The following POGZ variants were observed in gnomAD, a reference collection of about 807,000 sequenced individuals.
POGZ encodes the protein pogo transposable element derived with ZNF domain, also known as pogo transposable element with ZNF domain.
A neutral mutation model predicts 134.6 loss-of-function variants in POGZ; 17 were observed. The ratio of observed to expected loss-of-function variants is 0.13; its 90% CI spans 0.09 to 0.19. POGZ has a LOEUF of 0.19. POGZ is among the 10% of genes least tolerant of loss of function. The pLI, the probability that POGZ is intolerant of heterozygous loss-of-function variation, is 1.00. For synonymous variants in POGZ, 693 were observed against 657.1 expected (o/e 1.05, Z -0.84); for missense variants, 1,306 against 1,769.7 (o/e 0.74, Z 4.70).
At chr1:151,431,559 G>C (rs1278142895) in intron 3 of POGZ, among the ~76,000 whole-genome samples, 1 of 152,172 alleles carries the variant, frequency 6.6e-6, no homozygotes, top group Non-Finnish European at 1.5e-5. Context: ...GGAACCCAGA[G>C]ACTGACAGGC....
At position 151,459,448 on chromosome 1, in the gene POGZ, G is replaced by C. The variant is rs954053413; in HGVS notation, c.-298C>G. On this transcript the variant is annotated 5_prime_UTR_variant, in exon 1 of 19. Transcript: ENST00000271715. Reference sequence around the variant, plus strand: ...TGTACGGGAGCTGGCGCGGGGGAGAGAGACGCCGACTCCCCCCACCGACCC... The same window carrying C: ...TGTACGGGAGCTGGCGCGGGGGAGACAGACGCCGACTCCCCCCACCGACCC... 6.6e-6 allele frequency: 1 copy of C among 151,982 alleles called. No homozygotes were observed. The highest frequency in any genetic ancestry group is 2.4e-5 in the African/African-American group (1 of 41,366). The allele number at this position is 151,982 out of a possible 1,614,324, so 9.4% of individuals were successfully genotyped here. A position where few individuals can be genotyped will look rare whatever the true frequency, so the allele number is the denominator to read the frequency against.
chr1:151,410,353 C>T (rs193075378), intron 12 of POGZ, among the ~76,000 whole-genome samples: 10 of 152,326 alleles, frequency 6.6e-5, no homozygotes, highest in Non-Finnish European at 8.8e-5. Flanking sequence ...TTCCACCCTA[C>T]CAACCAACAA....
At chr1:151,450,660 G>A (rs1234686909) in intron 1 of POGZ, among the ~76,000 whole-genome samples, 1 of 152,000 alleles carries the variant, frequency 6.6e-6, no homozygotes, top group Non-Finnish European at 1.5e-5. Flanking sequence ...AGCCTCCCCA[G>A]TTCTAAATTT....
intron 1 of POGZ, among the ~76,000 whole-genome samples, chr1:151,444,109 C>CT (rs1660943975): frequency 1.3e-5 from 2 of 152,282 alleles, no homozygotes; most frequent in African/African-American, 4.8e-5. Context: ...CAGGGGCACT[C>CT]TGGGTTTTAA....
intron 1 of POGZ, among the ~76,000 whole-genome samples, chr1:151,454,466 A>G (rs1471054831): frequency 1.3e-5 from 2 of 152,218 alleles, no homozygotes; most frequent in Non-Finnish European, 1.5e-5. Flanking sequence ...AGTACCTCAT[A>G]TGTAAGAATC....
intron 11 of POGZ, 64 bp downstream of exon 11, chr1:151,412,232 G>C: frequency 1.2e-6 from 1 of 834,158 alleles, no homozygotes; most frequent in Non-Finnish European, 2.0e-6. Flanking sequence ...ATATTCATTA[G>C]TAAATTCTTT....
rs376316033 is a variant in POGZ at position 151,405,041 on chromosome 1, G to A, written c.3994C>T (p.Pro1332Ser). The A allele has an allele frequency of 3.1e-6, 5 of 1,614,032 alleles. No individual in the cohort carries two copies. In the African/African-American group the frequency reaches 4.0e-5, roughly 13 times the overall value. Residue 1332 changes from proline (P) to serine (S), a missense_variant, in exon 19 of 19, where the codon CCC becomes TCC. Pro to Ser is a moderately conservative substitution (Grantham distance 74). Coordinates refer to ENST00000271715, the MANE Select transcript of POGZ (RefSeq NM_015100.4). This position sits in a 1 kb window ranked among gnomAD's most constrained non-coding sequence, Gnocchi z 4.9. ...GTAGGTGAGTTAATGTTGCCATCGG[G>A]GCCAGGCAGAACACTAGCCACCAGG... ...SFLVASVLPGPDGNINSPTRN... is the reference protein window; with the variant it reads ...SFLVASVLPGSDGNINSPTRN...
chr1:151,442,906 G>A (rs909061662), intron 1 of POGZ, among the ~76,000 whole-genome samples: 1 of 151,774 alleles, frequency 6.6e-6, no homozygotes, highest in African/African-American at 2.4e-5. Flanking sequence ...GCAGGCGCCT[G>A]TAATCCCAGC....
rs2102278340 is a variant in POGZ at position 151,425,072 on chromosome 1, T to C, written c.1079-11A>G. ...GGATGGAAGAGGTCACTGAAAGAAG[T>C]GAGAAGAATTGATAAGATTAATACA... On this transcript the variant is annotated splice_polypyrimidine_tract_variant and intron_variant, in intron 7 of 18. Transcript: ENST00000271715. The C allele has an allele frequency of 7.6e-6, 10 of 1,323,852 alleles. No homozygotes were observed. Among genetic ancestry groups the C allele is most frequent in the Non-Finnish European group, 1.1e-5 (10 of 927,098 alleles). 82.0% of individuals were successfully genotyped at this position (1,323,852 alleles called of 1,614,324 possible). A position where few individuals can be genotyped will look rare whatever the true frequency, so the allele number is the denominator to read the frequency against.
Position 151,423,571 on chromosome 1 carries a change from G to GA in POGZ, c.1524-21dup. ...ATGAATCTGTAATAAAGCACAAAGA[G>GA]AAAGTACAGAAAACATAAAAAATTG... On this transcript the variant is annotated intron_variant, in intron 9 of 18. Transcript: ENST00000271715. 1 of 1,570,420 alleles carries GA rather than the reference G, an allele frequency of 6.4e-7. No homozygotes were observed. Among genetic ancestry groups the GA allele is most frequent in the Non-Finnish European group, 8.7e-7 (1 of 1,154,874 alleles).
intron 10 of POGZ, among the ~76,000 whole-genome samples, chr1:151,412,604 C>A (rs1254876304): frequency 6.6e-6 from 1 of 152,198 alleles, no homozygotes; most frequent in African/African-American, 2.4e-5. Flanking sequence ...CTTACCAAAG[C>A]TTCATTCTAG....
At chr1:151,418,793 A>C (rs566553468) in intron 10 of POGZ, among the ~76,000 whole-genome samples, 1 of 151,706 alleles carries the variant, frequency 6.6e-6, no homozygotes, top group Non-Finnish European at 1.5e-5. Context: ...TGGGAAGCTA[A>C]GGTGGGTGGA....
chr1:151,405,077 G>C lies in POGZ; in HGVS notation c.3958C>G (p.Gln1320Glu), dbSNP rs527918314. The change falls in exon 19 of 19, where the codon CAG becomes GAG. Residue 1320 changes from glutamine to glutamate, a missense_variant. Physicochemically the swap from Gln to Glu is conservative, Grantham distance 29. Around this residue, in one of 10 missense-constraint regions of POGZ, gnomAD observed 67 missense variants for 105.8 expected, o/e 0.63. Coordinates refer to ENST00000271715, the MANE Select transcript of POGZ (RefSeq NM_015100.4). The surrounding 1 kb of genome is among the most constrained non-coding windows in gnomAD (Gnocchi z 4.9). ...GVIGDCPELV[Q>E]RSFLVASVLP... Reference sequence around the variant, plus strand: ...ACACTAGCCACCAGGAAGGAGCGCTGAACTAGCTCTGGACAGTCCCCAATG... The same window carrying C: ...ACACTAGCCACCAGGAAGGAGCGCTCAACTAGCTCTGGACAGTCCCCAATG... The C allele has an allele frequency of 8.6e-5, 139 of 1,614,224 alleles. No homozygotes were observed. In the South Asian group the frequency reaches 1.5e-3, roughly 17 times the overall value.
rs1216725130 is a variant in POGZ at position 151,459,406 on chromosome 1, C to T, written c.-256G>A. The T allele has an allele frequency of 6.6e-6, 1 of 150,396 alleles. No homozygotes were observed. The allele number at this position is 150,396 out of a possible 1,614,324, so 9.3% of individuals were successfully genotyped here. ...CCCCGAGGGAGGGGGGTGGGGGGGCCAAGGAATGCGGCTCCGTGTACGGGA... is the reference window on the plus strand; with the variant it reads ...CCCCGAGGGAGGGGGGTGGGGGGGCTAAGGAATGCGGCTCCGTGTACGGGA... On this transcript the variant is annotated 5_prime_UTR_variant, in exon 1 of 19. Transcript: ENST00000271715.
Position 151,425,067 on chromosome 1 carries a change from A to G in POGZ, c.1079-6T>C, listed in dbSNP as rs1225148217. On this transcript the variant is annotated splice_polypyrimidine_tract_variant and splice_region_variant and intron_variant, in intron 7 of 18. Coordinates refer to ENST00000271715, the MANE Select transcript of POGZ (RefSeq NM_015100.4). The stretch of plus-strand genomic sequence containing the variant: ...TACTGGGATGGAAGAGGTCACTGAA[A>G]GAAGTGAGAAGAATTGATAAGATTA... 7.2e-7 allele frequency: 1 copy of G among 1,384,524 alleles called. No homozygotes were observed. Among genetic ancestry groups the G allele is most frequent in the Non-Finnish European group, 1.0e-6 (1 of 981,072 alleles). 85.8% of individuals were successfully genotyped at this position (1,384,524 alleles called of 1,614,324 possible). A position where few individuals can be genotyped will look rare whatever the true frequency, so the allele number is the denominator to read the frequency against.
chr1:151,440,115 A>G (rs1263938817), intron 3 of POGZ, among the ~76,000 whole-genome samples: 1 of 151,992 alleles, frequency 6.6e-6, no homozygotes, highest in Non-Finnish European at 1.5e-5. Context: ...AAAAATAAAT[A>G]TATGTACAGA....
chr1:151,404,647 AG>A lies in POGZ; in HGVS notation c.*154del. 1 of 1,384,836 alleles carries A rather than the reference AG, an allele frequency of 7.2e-7. No homozygotes were observed. Among genetic ancestry groups the A allele is most frequent in the Admixed American group, 3.3e-5 (1 of 30,508 alleles). 85.8% of individuals were successfully genotyped at this position (1,384,836 alleles called of 1,614,324 possible). On this transcript the variant is annotated 3_prime_UTR_variant, in exon 19 of 19. Coordinates refer to ENST00000271715, the MANE Select transcript of POGZ (RefSeq NM_015100.4). ...TTTCCTAATTAATCCACAAATCCAC[AG>A]GGAAGTGTAAGTCAACTTCAGGGGG... is the stretch of plus-strand genomic sequence containing the variant.
intron 10 of POGZ, among the ~76,000 whole-genome samples, chr1:151,418,753 C>T (rs961611856): frequency 2.0e-5 from 3 of 151,796 alleles, no homozygotes; most frequent in South Asian, 2.1e-4. Flanking sequence ...GGGCTGGGCA[C>T]GGTGGCTCAT....
chr1:151,424,450 G>A (rs908644560), intron 8 of POGZ, 164 bp from the exon 9 acceptor site: 1 of 549,102 alleles, frequency 1.8e-6, no homozygotes, highest in Non-Finnish European at 3.2e-6. Context: ...TCCTTTTCTA[G>A]AGTATATCCA....
Sources: gnomAD v4.1 joint callset for allele counts (sites outside exome capture counted in the v4.1 genomes callset) on GRCh38, gnomAD v4.1.1 for gene constraint, gnomAD v4.1.1 regional missense constraint, Gnocchi (gnomAD v3.1) non-coding constraint, MANE v1.5 for transcripts, NCBI Gene and HGNC (gene_info 2026-07-23, HGNC 2026-07-21) for gene names.